CUL4A: variants seen among roughly 807,000 people sequenced by gnomAD.
CUL4A encodes cullin 4A, also known as cullin-4A.
A neutral mutation model predicts 95.5 loss-of-function variants in CUL4A; 16 were observed. That is an observed-to-expected ratio of 0.17 (90% CI 0.11 to 0.25). The LOEUF (loss-of-function observed/expected upper bound fraction) is 0.25. CUL4A is among the 10% of genes least tolerant of loss of function. The probability of loss-of-function intolerance (pLI) is 1.00; values close to 1 mark genes in which losing one functional copy is unlikely to be tolerated. For synonymous variants in CUL4A, 380 were observed against 353.1 expected, an observed-to-expected ratio of 1.08 and a Z score of -0.85; for missense variants, 610 against 937.0, an observed-to-expected ratio of 0.65 and a Z score of 4.56.
intron 3 of CUL4A, among the ~76,000 whole-genome samples, chr13:113,226,476 G>A (rs2041109421): frequency 1.3e-5 from 2 of 152,208 alleles, no homozygotes; most frequent in African/African-American, 4.8e-5. Context: ...TGTGAAGAGT[G>A]TTTCGTAAAC....
intron 7 of CUL4A, among the ~76,000 whole-genome samples, chr13:113,234,203 A>C (rs1007332924): frequency 6.6e-6 from 1 of 152,308 alleles, no homozygotes; most frequent in South Asian, 2.1e-4. Flanking sequence ...CACTCCCCCC[A>C]CAAGTAAAAA....
chr13:113,223,616 C>T (rs145822779), intron 3 of CUL4A, among the ~76,000 whole-genome samples: 168 of 152,244 alleles, frequency 1.1e-3, no homozygotes, highest in African/African-American at 3.7e-3. Context: ...AGGCTGGTCT[C>T]GAATTTGCGA....
chr13:113,212,610 C>T (rs1452948972), intron 2 of CUL4A, among the ~76,000 whole-genome samples: 2 of 152,098 alleles, frequency 1.3e-5, no homozygotes, highest in African/African-American at 4.8e-5. Context: ...ATGGTGAAAC[C>T]CCATCTCTAC....
intron 3 of CUL4A, among the ~76,000 whole-genome samples, chr13:113,221,629 A>G (rs901999658): frequency 2.0e-5 from 3 of 152,108 alleles, no homozygotes. Context: ...CCCAGGCTAG[A>G]GTGCAGTGGC....
At chr13:113,245,088 CT>C in intron 13 of CUL4A, 29 bp downstream of exon 13, 1 of 1,608,862 alleles carries the variant, frequency 6.2e-7, no homozygotes, top group Non-Finnish European at 8.5e-7. Context: ...GGCTCCTCCC[CT>C]GTAACTGAGG....
intron 12 of CUL4A, 117 bp downstream of exon 12, chr13:113,244,631 A>G: frequency 6.8e-6 from 5 of 737,624 alleles, no homozygotes; most frequent in Middle Eastern, 2.4e-4. Context: ...TTGCATTAGA[A>G]TGAACACTTT....
At chr13:113,262,271 C>T (rs1197037853) in intron 19 of CUL4A, among the ~76,000 whole-genome samples, 1 of 152,224 alleles carries the variant, frequency 6.6e-6, no homozygotes, top group Non-Finnish European at 1.5e-5. Context: ...TTCGTCTCCT[C>T]AGTCACCTAC....
intron 18 of CUL4A, among the ~76,000 whole-genome samples, chr13:113,256,783 T>C (rs1244888359): frequency 6.6e-6 from 1 of 152,172 alleles, no homozygotes; most frequent in Non-Finnish European, 1.5e-5. Context: ...GATGCTGCTC[T>C]TTTTATGCTT....
intron 3 of CUL4A, among the ~76,000 whole-genome samples, chr13:113,222,747 G>A (rs1031968838): frequency 1.3e-5 from 2 of 152,254 alleles, no homozygotes; most frequent in East Asian, 3.9e-4. Flanking sequence ...CAGCCTAGAC[G>A]ACAATTAGCC....
chr13:113,215,768 A>G (rs1225394247), intron 2 of CUL4A, among the ~76,000 whole-genome samples: 1 of 94,080 alleles, frequency 1.1e-5, no homozygotes, highest in Non-Finnish European at 2.2e-5. Context: ...CTGTGTGACT[A>G]TGGAGGTCTC....
At chr13:113,220,037 G>A (rs1045485486) in intron 3 of CUL4A, among the ~76,000 whole-genome samples, 38 of 152,272 alleles carry the variant, frequency 2.5e-4, no homozygotes, top group Non-Finnish European at 4.6e-4. Context: ...CTAGGCCTCC[G>A]TTTCTTCATG....
chr13:113,222,743 A>G (rs1396951314), intron 3 of CUL4A, among the ~76,000 whole-genome samples: 1 of 152,218 alleles, frequency 6.6e-6, no homozygotes, highest in African/African-American at 2.4e-5. Flanking sequence ...AGAGCAGCCT[A>G]GACGACAATT....
chr13:113,246,337 C>G (rs2041857071), intron 15 of CUL4A, among the ~76,000 whole-genome samples: 1 of 152,200 alleles, frequency 6.6e-6, no homozygotes, highest in Non-Finnish European at 1.5e-5. Flanking sequence ...GCTTATTAAG[C>G]TGCGGTTCTT....
At chr13:113,232,125 GTCACCA>G (rs2041351981) in intron 5 of CUL4A, among the ~76,000 whole-genome samples, 2 of 143,390 alleles carry the variant, frequency 1.4e-5, no homozygotes, top group Admixed American at 6.7e-5. Context: ...CACCATTACT[GTCACCA>G]CTACCCGCCC....
chr13:113,245,022 C>G lies in CUL4A; in HGVS notation c.1407C>G (p.Val469=), dbSNP rs753183149. The G allele has an allele frequency of 3.1e-6, 5 of 1,614,104 alleles. No individual in the cohort carries two copies. The highest frequency in any genetic ancestry group is 3.3e-5 in the Admixed American group (2 of 60,018). ...KRLLVGKSAS[V]DAEKSMLSKL... is the part of the protein sequence containing the mutation. ...TCCTTGTTGGGAAAAGTGCCTCAGTCGATGCTGAAAAGTCTATGTTGTCAA... is the reference window on the plus strand; with the variant it reads ...TCCTTGTTGGGAAAAGTGCCTCAGTGGATGCTGAAAAGTCTATGTTGTCAA... The change falls in exon 13 of 20, where the codon GTC becomes GTG. Residue 469 remains valine (V), a synonymous_variant. Coordinates refer to ENST00000375440, the MANE Select transcript of CUL4A (RefSeq NM_001008895.4).
intron 15 of CUL4A, among the ~76,000 whole-genome samples, chr13:113,252,582 G>A (rs1034468660): frequency 2.0e-5 from 3 of 152,170 alleles, no homozygotes; most frequent in African/African-American, 4.8e-5. Context: ...CAACTAACTC[G>A]TGCTGCACTT....
At position 113,244,666 on chromosome 13, in the gene CUL4A, C is replaced by T. The variant is rs140524911; in HGVS notation, c.1333+152C>T. 994 of 671,904 alleles carry T rather than the reference C, an allele frequency of 1.5e-3. 9 individuals carry two copies. In the African/African-American group the frequency reaches 0.016, roughly 11 times the overall value. The allele number at this position is 671,904 out of a possible 1,614,324, so 41.6% of individuals were successfully genotyped here. A position where few individuals can be genotyped will look rare whatever the true frequency, so the allele number is the denominator to read the frequency against. On this transcript the variant is annotated intron_variant, in intron 12 of 19. Transcript: ENST00000375440. ...TTCATCCTTGCTAACATGGTGAAAC[C>T]CCGTCTCTACTAAAAATACAAAACA...
At chr13:113,210,110 G>A in intron 2 of CUL4A, 22 bp downstream of exon 2, 2 of 1,452,524 alleles carry the variant, frequency 1.4e-6, no homozygotes, top group Non-Finnish European at 1.8e-6. Flanking sequence ...GCCGGGGCTG[G>A]GGACGCCGCT....
At chr13:113,263,261 T>G (rs1334276607) in intron 19 of CUL4A, among the ~76,000 whole-genome samples, 1 of 152,216 alleles carries the variant, frequency 6.6e-6, no homozygotes, top group Non-Finnish European at 1.5e-5. Flanking sequence ...TAAACTCACA[T>G]GGACGCTTTT....
Sources: allele counts gnomAD v4.1 joint callset (sites outside exome capture counted in the v4.1 genomes callset), GRCh38; gene constraint gnomAD v4.1.1; transcripts MANE v1.5; gene names NCBI Gene and HGNC (gene_info 2026-07-23, HGNC 2026-07-21).